PIWIL3: variants seen among roughly 807,000 people sequenced by gnomAD.
PIWIL3 encodes piwi-like protein 3.
In PIWIL3, 101 loss-of-function variants were observed where a neutral mutation model predicts 109.7. The ratio of observed to expected loss-of-function variants is 0.92; its 90% CI spans 0.78 to 1.09. The LOEUF (loss-of-function observed/expected upper bound fraction) is 1.09, where lower values mean the gene tolerates loss of function less well. Ranked by LOEUF, PIWIL3 falls within the 50% of genes least tolerant of loss-of-function variation. The pLI is 0.00. For synonymous variants in PIWIL3, 373 were observed against 376.4 expected (o/e 0.99, Z 0.10); for missense variants, 1,031 against 1,072.6 (o/e 0.96, Z 0.54).
rs1925459738 is a variant in PIWIL3, at chr22:24,761,908, T to C, written c.102+490A>G. The C allele has an allele frequency of 3.1e-6, 3 of 956,832 alleles. No individual in the cohort carries two copies. In the South Asian group the frequency reaches 1.4e-4, roughly 46 times the overall value. 59.3% of individuals were successfully genotyped at this position (956,832 alleles called of 1,614,324 possible). ...AAGGCATCGTGCTACTTCCATGCAG[T>C]ATATGGTCCCCCTGGAGGTTGTCAG... On this transcript the variant is annotated intron_variant, in intron 2 of 20. Coordinates refer to ENST00000616349, the MANE Select transcript of PIWIL3 (RefSeq NM_001255975.1).
At chr22:24,763,393 C>T (rs1925568281) in intron 1 of PIWIL3, among the ~76,000 whole-genome samples, 2 of 152,052 alleles carry the variant, frequency 1.3e-5, no homozygotes, top group Non-Finnish European at 2.9e-5. Context: ...CTCCGCCTCC[C>T]GGGCTCCAGC....
chr22:24,727,996 T>G lies in PIWIL3; in HGVS notation c.1963A>C (p.Lys655Gln), dbSNP rs762814452. Residue 655 changes from lysine (K) to glutamine (Q), a missense_variant, in exon 16 of 21, where the codon AAA (lysine) becomes CAA (glutamine). Transcript: ENST00000616349. ...CTTGCAACAAATCCTGCTATTGATTTCTGTCGATTTACGATATCGTGGAAA... is the reference window on the plus strand; with the variant it reads ...CTTGCAACAAATCCTGCTATTGATTGCTGTCGATTTACGATATCGTGGAAA... ...DCFHDIVNRQ[K>Q]SIAGFVASTN... is the part of the protein sequence containing the mutation. 9.9e-6 allele frequency: 16 copies of G among 1,613,910 alleles called. No individual in the cohort carries two copies. Among genetic ancestry groups the G allele is most frequent in the Non-Finnish European group, 1.2e-5 (14 of 1,180,022 alleles).
At chr22:24,733,269 A>C (rs1923464169) in intron 14 of PIWIL3, among the ~76,000 whole-genome samples, 1 of 152,200 alleles carries the variant, frequency 6.6e-6, no homozygotes, top group Non-Finnish European at 1.5e-5. Flanking sequence ...GGGAAGAAAG[A>C]AGATGAACTA....
At chr22:24,750,307 A>T (rs944853543) in intron 9 of PIWIL3, among the ~76,000 whole-genome samples, 3 of 152,164 alleles carry the variant, frequency 2.0e-5, no homozygotes, top group Admixed American at 6.5e-5. Context: ...GCTGGCCAAA[A>T]GTGGCTGCTT....
At chr22:24,757,659 T>TACACACAC (rs57298578) in intron 4 of PIWIL3, among the ~76,000 whole-genome samples, 154 of 109,854 alleles carry the variant, frequency 1.4e-3, no homozygotes, top group African/African-American at 1.7e-3. Context: ...ATGTATATAT[T>TACACACAC]ACACACACAC....
rs1210720332 is a variant in PIWIL3, at chr22:24,734,142, C to T, written c.1649G>A (p.Gly550Asp). The change falls in exon 14 of 21, where the codon GGT (glycine) becomes GAT (aspartate). Residue 550 changes from glycine (G) to aspartate (D), a missense_variant. Physicochemically the swap from Gly to Asp is moderately conservative, Grantham distance 94. Transcript: ENST00000616349. ...MKPAEMIEVD[G>D]DANSYIDTLR... ...TGTGTCTATATAGGAGTTAGCATCA[C>T]CATCTACTTCAATCCTAAAAAATAA... 1 of 1,611,804 alleles carries T rather than the reference C, an allele frequency of 6.2e-7. No homozygotes were observed. The highest frequency in any genetic ancestry group is 1.7e-5 in the Admixed American group (1 of 59,668).
At chr22:24,734,920 G>A (rs1360971666) in intron 13 of PIWIL3, among the ~76,000 whole-genome samples, 1 of 151,608 alleles carries the variant, frequency 6.6e-6, no homozygotes, top group Non-Finnish European at 1.5e-5. Context: ...TGCCCTGAGG[G>A]TTTGTTGTAC....
intron 1 of PIWIL3, among the ~76,000 whole-genome samples, chr22:24,772,030 G>A (rs559659757): frequency 6.6e-6 from 1 of 152,234 alleles, no homozygotes; most frequent in Non-Finnish European, 1.5e-5. Flanking sequence ...GTGCTCAGTT[G>A]GCCAACAGAA....
At chr22:24,725,794 T>C (rs1922955799) in intron 16 of PIWIL3, among the ~76,000 whole-genome samples, 1 of 151,890 alleles carries the variant, frequency 6.6e-6, no homozygotes, top group South Asian at 2.1e-4. Context: ...GTTTCGCCTA[T>C]GGGGGAATGC....
chr22:24,735,421 C>G (rs1223159602), intron 13 of PIWIL3, among the ~76,000 whole-genome samples: 1 of 152,204 alleles, frequency 6.6e-6, no homozygotes, highest in African/African-American at 2.4e-5. Flanking sequence ...TAAAACTTCT[C>G]TAGAAAGTTT....
At chr22:24,726,672 A>G (rs560588542) in intron 16 of PIWIL3, among the ~76,000 whole-genome samples, 1 of 152,268 alleles carries the variant, frequency 6.6e-6, no homozygotes, top group Non-Finnish European at 1.5e-5. Flanking sequence ...ACTTGAGAAA[A>G]GCATCTGTTG....
intron 6 of PIWIL3, 114 bp from the exon 7 acceptor site, chr22:24,754,978 A>C: frequency 1.3e-6 from 1 of 790,224 alleles, no homozygotes; most frequent in Non-Finnish European, 2.1e-6. Flanking sequence ...ATCAATGAAC[A>C]CAAAGTACTT....
intron 16 of PIWIL3, 121 bp from the exon 17 acceptor site, chr22:24,725,636 A>C: frequency 1.0e-6 from 1 of 978,572 alleles, no homozygotes; most frequent in Admixed American, 2.0e-5. Context: ...GCATCAATTC[A>C]TATCTCTACG....
Position 24,742,579 on chromosome 22 carries a change from G to T in PIWIL3, c.1449+6328C>A, listed in dbSNP as rs922536205. 3.3e-5 allele frequency among the ~76,000 whole-genome samples: 5 copies of T among 152,148 alleles called. No individual in the cohort carries two copies. The East Asian group carries it at 9.6e-4, about 29-fold the overall frequency. On this transcript the variant is annotated intron_variant, in intron 12 of 20. Transcript: ENST00000616349. ...ACATAGACCAATGGAACAGAATAGA[G>T]AACCCAGAAATAAAGCCAAATACTT...
chr22:24,764,861 C>T (rs1569112851), intron 1 of PIWIL3, among the ~76,000 whole-genome samples: 1 of 152,124 alleles, frequency 6.6e-6, no homozygotes, highest in Non-Finnish European at 1.5e-5. Context: ...AAGTTTTAGC[C>T]AGTCTCAAGG....
chr22:24,757,257 T>A (rs6004260), intron 4 of PIWIL3, among the ~76,000 whole-genome samples: 82 of 152,004 alleles, frequency 5.4e-4, no homozygotes, highest in African/African-American at 1.9e-3. Flanking sequence ...ATTAGAACAT[T>A]TGTGGTTTCC....
chr22:24,761,824 T>G, intron 2 of PIWIL3: 1 of 433,064 alleles, frequency 2.3e-6, no homozygotes, highest in Non-Finnish European at 3.1e-6. Context: ...GGAATTGAGG[T>G]TGGAGGGCTT....
intron 13 of PIWIL3, among the ~76,000 whole-genome samples, chr22:24,734,944 C>T (rs1172251116): frequency 1.3e-5 from 2 of 150,660 alleles, no homozygotes; most frequent in African/African-American, 4.9e-5. Flanking sequence ...TTTTATCATC[C>T]AAGTACTAAG....
intron 12 of PIWIL3, among the ~76,000 whole-genome samples, chr22:24,739,731 A>G (rs1923869154): frequency 6.6e-6 from 1 of 152,164 alleles, no homozygotes; most frequent in East Asian, 1.9e-4. Flanking sequence ...GAGGAGCAAT[A>G]GGAATTCATC....
Sources: allele counts gnomAD v4.1 joint callset (sites outside exome capture counted in the v4.1 genomes callset), GRCh38; gene constraint gnomAD v4.1.1; transcripts MANE v1.5; gene names NCBI Gene and HGNC (gene_info 2026-07-23, HGNC 2026-07-21).